Variants in SH3GL3 observed in about 807,000 individuals in gnomAD.
SH3GL3 encodes the protein endophilin-A3.
A neutral mutation model predicts 47.7 loss-of-function variants in SH3GL3; 33 were observed. The observed-to-expected ratio is 0.69, with a 90% confidence interval of 0.52 to 0.92. The LOEUF (loss-of-function observed/expected upper bound fraction) is 0.92. Ranked by LOEUF, SH3GL3 falls within the 40% of genes least tolerant of loss-of-function variation. The pLI is 0.00. For synonymous variants in SH3GL3, 155 were observed against 148.8 expected (o/e 1.04, Z -0.30); for missense variants, 363 against 417.8 (o/e 0.87, Z 1.14).
chr15:83,578,205 C>T (rs1429475918), intron 6 of SH3GL3, among the ~76,000 whole-genome samples: 1 of 152,158 alleles, frequency 6.6e-6, no homozygotes, highest in Non-Finnish European at 1.5e-5. Context: ...GGGTGGCCTC[C>T]CTGCTCGGCC....
At chr15:83,532,727 GTGTT>G (rs2043735860) in intron 1 of SH3GL3, among the ~76,000 whole-genome samples, 1 of 152,170 alleles carries the variant, frequency 6.6e-6, no homozygotes, top group South Asian at 2.1e-4. Flanking sequence ...GAGGCTGCTG[GTGTT>G]TGTTCAAGAA....
chr15:83,484,716 A>G (rs1041887813), intron 1 of SH3GL3, among the ~76,000 whole-genome samples: 4 of 152,134 alleles, frequency 2.6e-5, no homozygotes, highest in Non-Finnish European at 5.9e-5. Flanking sequence ...TAATCCTGTT[A>G]TGAATTATGC....
Position 83,486,568 on chromosome 15 carries a change from C to G in SH3GL3, c.45+38990C>G, listed in dbSNP as rs1407990663. Among the ~76,000 whole-genome samples the G allele has an allele frequency of 3.3e-5, 5 of 152,280 alleles. No homozygotes were observed. The East Asian group carries it at 9.6e-4, about 29-fold the overall frequency. ...TATTCATCCATATTGTAGCATGTAT[C>G]AGTACTTTATTCCTTTTCATGGCTG... On this transcript the variant is annotated intron_variant, in intron 1 of 8. Coordinates refer to ENST00000427482, the MANE Select transcript of SH3GL3 (RefSeq NM_003027.5).
chr15:83,510,196 C>T (rs2042690257), intron 1 of SH3GL3, among the ~76,000 whole-genome samples: 1 of 152,086 alleles, frequency 6.6e-6, no homozygotes, highest in Non-Finnish European at 1.5e-5. Flanking sequence ...ATAGCTCTGC[C>T]TGGTGCAAAA....
At chr15:83,488,635 C>T (rs577293611) in intron 1 of SH3GL3, among the ~76,000 whole-genome samples, 8 of 152,312 alleles carry the variant, frequency 5.3e-5, no homozygotes, top group South Asian at 2.1e-4. Context: ...ATTTGACAGC[C>T]GCCTGCTGGA....
At chr15:83,469,717 C>G (rs2040742531) in intron 1 of SH3GL3, among the ~76,000 whole-genome samples, 1 of 152,110 alleles carries the variant, frequency 6.6e-6, no homozygotes, top group Non-Finnish European at 1.5e-5. Flanking sequence ...TGAGGTTTAT[C>G]TGATGGCTCA....
intron 5 of SH3GL3, 41 bp from the exon 6 acceptor site, chr15:83,576,542 A>G: frequency 6.5e-7 from 1 of 1,539,208 alleles, no homozygotes; most frequent in Admixed American, 2.2e-5. Context: ...CCAGGTTTTG[A>G]ATGTAGCACC....
chr15:83,507,426 T>G (rs945677940), intron 1 of SH3GL3, among the ~76,000 whole-genome samples: 1 of 151,930 alleles, frequency 6.6e-6, no homozygotes, highest in Non-Finnish European at 1.5e-5. Context: ...TATTATTATT[T>G]TTTTTTTGAG....
chr15:83,550,190 T>G (rs951321945), intron 1 of SH3GL3, among the ~76,000 whole-genome samples: 1 of 152,176 alleles, frequency 6.6e-6, no homozygotes, highest in African/African-American at 2.4e-5. Flanking sequence ...AGAGCATGAC[T>G]GCCAACTGGT....
intron 1 of SH3GL3, among the ~76,000 whole-genome samples, chr15:83,457,305 T>C (rs981649037): frequency 1.3e-5 from 2 of 152,226 alleles, no homozygotes; most frequent in Non-Finnish European, 2.9e-5. Context: ...GTGGGCTCCA[T>C]GTTAAATTTA....
intron 8 of SH3GL3, among the ~76,000 whole-genome samples, chr15:83,596,302 C>G (rs1358102134): frequency 3.3e-5 from 5 of 152,172 alleles, no homozygotes; most frequent in Admixed American, 6.5e-5. Context: ...TATGATCCAT[C>G]TTGGTAAATG....
intron 1 of SH3GL3, among the ~76,000 whole-genome samples, chr15:83,504,106 T>G (rs1465947127): frequency 6.6e-6 from 1 of 152,234 alleles, no homozygotes; most frequent in Non-Finnish European, 1.5e-5. Context: ...ATAATTTTCC[T>G]GTTAGTCATT....
intron 1 of SH3GL3, among the ~76,000 whole-genome samples, chr15:83,511,940 A>G (rs1004947558): frequency 6.6e-6 from 1 of 152,090 alleles, no homozygotes; most frequent in African/African-American, 2.4e-5. Context: ...TTGGAACAAT[A>G]CTGGACCTAA....
downstream of SH3GL3, among the ~76,000 whole-genome samples, chr15:83,619,782 G>A (rs116510101): frequency 2.6e-3 from 395 of 152,338 alleles, 2 homozygotes; most frequent in African/African-American, 8.8e-3. Context: ...GAAGGTTGGG[G>A]TGTCTGTGGC....
At chr15:83,465,602 TC>T (rs959835534) in intron 1 of SH3GL3, among the ~76,000 whole-genome samples, 3 of 152,000 alleles carry the variant, frequency 2.0e-5, no homozygotes, top group African/African-American at 7.2e-5. Context: ...GCAAAGTAGT[TC>T]CTTCTTGTCA....
intron 1 of SH3GL3, among the ~76,000 whole-genome samples, chr15:83,507,550 G>T (rs929145983): frequency 6.6e-6 from 1 of 151,972 alleles, no homozygotes; most frequent in Non-Finnish European, 1.5e-5. Context: ...GAGTAGCTGG[G>T]ATTACAGGTG....
chr15:83,458,259 G>A (rs76645937), intron 1 of SH3GL3, among the ~76,000 whole-genome samples: 1 of 152,284 alleles, frequency 6.6e-6, no homozygotes, highest in South Asian at 2.1e-4. Context: ...GATCAGGGAG[G>A]CATTGTTTCC....
At chr15:83,588,887 T>C (rs896346765) in intron 8 of SH3GL3, 116 bp downstream of exon 8, 3 of 641,916 alleles carry the variant, frequency 4.7e-6, no homozygotes, top group African/African-American at 3.6e-5. Flanking sequence ...TATCTTTCTT[T>C]GGTTGTTTGG....
chr15:83,547,277 C>T lies in SH3GL3; in HGVS notation c.46-11976C>T, dbSNP rs570654196. ...TTTGGCTAGGGCTAGTCTAAGTGCT[C>T]CCTCCACGGGCACTGGCCAAAGCCA... is the stretch of plus-strand genomic sequence containing the variant. On this transcript the variant is annotated intron_variant, in intron 1 of 8. Coordinates refer to ENST00000427482, the MANE Select transcript of SH3GL3 (RefSeq NM_003027.5). 1.4e-3 allele frequency among the ~76,000 whole-genome samples: 207 copies of T among 152,268 alleles called. 1 individual carries two copies. Among genetic ancestry groups the T allele is most frequent in the Middle Eastern group, 0.01 (3 of 294 alleles).
Sources: gnomAD v4.1 joint callset for allele counts (sites outside exome capture counted in the v4.1 genomes callset) on GRCh38, gnomAD v4.1.1 for gene constraint, MANE v1.5 for transcripts, NCBI Gene and HGNC (gene_info 2026-07-23, HGNC 2026-07-21) for gene names.